Variants in JHY observed in about 807,000 individuals in gnomAD.
The protein encoded by JHY is jhy protein homolog.
JHY carries 69 observed loss-of-function variants against 78.0 expected under a neutral mutation model. That is an observed-to-expected ratio of 0.88 (90% CI 0.73 to 1.08). The LOEUF (loss-of-function observed/expected upper bound fraction) is 1.08, where lower values mean the gene tolerates loss of function less well. Ranked by LOEUF, JHY falls within the 50% of genes least tolerant of loss-of-function variation. The pLI is 0.00. For synonymous variants in JHY, 368 were observed against 342.6 expected (o/e 1.07, Z -0.82); for missense variants, 944 against 927.8 (o/e 1.02, Z -0.23).
At chr11:122,939,277 C>T (rs1213706472) in intron 5 of JHY, among the ~76,000 whole-genome samples, 3 of 151,990 alleles carry the variant, frequency 2.0e-5, no homozygotes, top group Admixed American at 6.6e-5. Context: ...TGAGCCACCG[C>T]ACCCAACCCT....
intron 4 of JHY, among the ~76,000 whole-genome samples, chr11:122,926,380 C>T (rs552811215): frequency 5.9e-5 from 9 of 152,150 alleles, no homozygotes; most frequent in African/African-American, 2.2e-4. Flanking sequence ...AAACTATATA[C>T]AGTGATAAAC....
At chr11:122,912,877 G>C (rs1205303951) in intron 3 of JHY, among the ~76,000 whole-genome samples, 1 of 152,044 alleles carries the variant, frequency 6.6e-6, no homozygotes, top group Non-Finnish European at 1.5e-5. Flanking sequence ...AGGGCTATTT[G>C]AAGAATTTAT....
chr11:122,942,816 T>A (rs1332334918), intron 5 of JHY, among the ~76,000 whole-genome samples: 1 of 152,216 alleles, frequency 6.6e-6, no homozygotes, highest in Non-Finnish European at 1.5e-5. Context: ...TCTAAGTATG[T>A]TTTAGTTGCT....
intron 6 of JHY, among the ~76,000 whole-genome samples, chr11:122,948,410 T>C (rs1864009900): frequency 6.6e-6 from 1 of 150,730 alleles, no homozygotes; most frequent in African/African-American, 2.4e-5. Flanking sequence ...ACCATTTCAC[T>C]ACAGCCTGGG....
At position 122,901,689 on chromosome 11, in the gene JHY, C is replaced by T. The variant is rs185061854; in HGVS notation, c.345-2236C>T. ...GAGATCGAGACCATCCTGGCTAACACGGTGAAACCCTGTCTCTACTAAAAA... is the reference window on the plus strand; with the variant it reads ...GAGATCGAGACCATCCTGGCTAACATGGTGAAACCCTGTCTCTACTAAAAA... On this transcript the variant is annotated intron_variant, in intron 2 of 8. Coordinates refer to ENST00000227349, the MANE Select transcript of JHY (RefSeq NM_024806.4). Among the ~76,000 whole-genome samples, 1,147 of 151,518 alleles carry T rather than the reference C, an allele frequency of 7.6e-3. 16 individuals are homozygous for T. The highest frequency in any genetic ancestry group is 0.026 in the African/African-American group (1,070 of 41,332).
At chr11:122,926,539 C>T (rs1199705866) in intron 4 of JHY, among the ~76,000 whole-genome samples, 1 of 152,168 alleles carries the variant, frequency 6.6e-6, no homozygotes, top group East Asian at 1.9e-4. Context: ...CCCAGAGCTT[C>T]CTGAAAGTTG....
intron 2 of JHY, among the ~76,000 whole-genome samples, chr11:122,890,598 G>A (rs774593235): frequency 6.6e-6 from 1 of 152,126 alleles, no homozygotes; most frequent in Middle Eastern, 3.4e-3. Context: ...CCAGTTGTTG[G>A]GTTTTTTTCT....
intron 3 of JHY, among the ~76,000 whole-genome samples, chr11:122,908,847 C>T (rs572856900): frequency 1.8e-4 from 27 of 152,162 alleles, no homozygotes; most frequent in African/African-American, 6.3e-4. Context: ...TACAGGCACC[C>T]GCCACCACAC....
In JHY at chr11:122,959,554, A is replaced by C. The variant is rs932494139; in HGVS notation, c.*109A>C. 9.6e-7 allele frequency: 1 copy of C among 1,040,746 alleles called. No individual in the cohort carries two copies. Among genetic ancestry groups the C allele is most frequent in the Non-Finnish European group, 1.4e-6 (1 of 719,210 alleles). The allele number at this position is 1,040,746 out of a possible 1,614,324, so 64.5% of individuals were successfully genotyped here. ...GAGTAATGGCCTATTATTATCATCTATCTGCCGTCCATGTTTGCTTTCTGC... is the reference window on the plus strand; with the variant it reads ...GAGTAATGGCCTATTATTATCATCTCTCTGCCGTCCATGTTTGCTTTCTGC... On this transcript the variant is annotated 3_prime_UTR_variant, in exon 9 of 9. Coordinates refer to ENST00000227349, the MANE Select transcript of JHY (RefSeq NM_024806.4).
chr11:122,946,474 T>G (rs1295784258), intron 5 of JHY, 24 bp from the exon 6 acceptor site: 3 of 1,549,132 alleles, frequency 1.9e-6, no homozygotes, highest in Non-Finnish European at 2.6e-6. Context: ...TTAATAGATT[T>G]GTGCCTTTTT....
intron 2 of JHY, among the ~76,000 whole-genome samples, chr11:122,892,007 A>G (rs1862625241): frequency 1.3e-5 from 2 of 152,224 alleles, no homozygotes; most frequent in South Asian, 4.2e-4. Context: ...GGAAAGTAAT[A>G]AACATTTTTA....
At position 122,957,404 on chromosome 11, in the gene JHY, C is replaced by T. The variant is rs745822540; in HGVS notation, c.2052C>T (p.Val684=). The T allele has an allele frequency of 2.6e-6, 4 of 1,533,038 alleles. No homozygotes were observed. In the South Asian group the frequency reaches 5.2e-5, roughly 20 times the overall value. 95.0% of individuals were successfully genotyped at this position (1,533,038 alleles called of 1,614,324 possible). Residue 684 remains valine, a synonymous_variant, in exon 8 of 9, where the codon GTC becomes GTT. Coordinates refer to ENST00000227349, the MANE Select transcript of JHY (RefSeq NM_024806.4). The part of the protein sequence containing the change: ...LIQQKEYAKQ[V]KEYNMKTLSI... ...AGCAAAAGGAATATGCAAAACAAGT[C>T]AAGGAGTACAACATGAAGACACTAT... is the stretch of plus-strand genomic sequence containing the variant.
chr11:122,930,011 G>A (rs879745944), intron 4 of JHY, among the ~76,000 whole-genome samples: 1 of 152,132 alleles, frequency 6.6e-6, no homozygotes, highest in Non-Finnish European at 1.5e-5. Flanking sequence ...CATGAGAGAT[G>A]GGGAGCAGAG....
chr11:122,925,130 C>A, intron 4 of JHY, 120 bp downstream of exon 4: 1 of 776,168 alleles, frequency 1.3e-6, no homozygotes, highest in Non-Finnish European at 2.1e-6. Flanking sequence ...TAATTACCCA[C>A]TTTCCTATGG....
Position 122,900,281 on chromosome 11 carries a change from C to A in JHY, c.345-3644C>A, listed in dbSNP as rs184020864. On this transcript the variant is annotated intron_variant, in intron 2 of 8. Coordinates refer to ENST00000227349, the MANE Select transcript of JHY (RefSeq NM_024806.4). ...GTTGCTTTACATCAAATCAAAGAAACCTGGGTCCACATTAAGAAAAGTAAA... is the reference window on the plus strand; with the variant it reads ...GTTGCTTTACATCAAATCAAAGAAAACTGGGTCCACATTAAGAAAAGTAAA... Among the ~76,000 whole-genome samples the A allele has an allele frequency of 1.6e-3, 236 of 152,224 alleles. 4 individuals carry two copies. Among genetic ancestry groups the A allele is most frequent in the Admixed American group, 0.015 (236 of 15,274 alleles).
At chr11:122,892,261 CTAGT>C (rs1302942720) in intron 2 of JHY, among the ~76,000 whole-genome samples, 2 of 150,888 alleles carry the variant, frequency 1.3e-5, no homozygotes, top group Admixed American at 6.6e-5. Context: ...TGAGGAATTA[CTAGT>C]TAAATTGAGT....
chr11:122,931,639 TACA>T (rs1415694223), intron 4 of JHY, among the ~76,000 whole-genome samples: 1 of 152,214 alleles, frequency 6.6e-6, no homozygotes, highest in African/African-American at 2.4e-5. Context: ...GTCTTCACTT[TACA>T]GCTGATCTCA....
chr11:122,939,623 G>A (rs996663306), intron 5 of JHY, among the ~76,000 whole-genome samples: 1 of 152,026 alleles, frequency 6.6e-6, no homozygotes, highest in African/African-American at 2.4e-5. Context: ...ATTCTGCCAC[G>A]TTTTTTCTAC....
chr11:122,914,601 C>T (rs754063245), intron 3 of JHY, among the ~76,000 whole-genome samples: 2 of 151,982 alleles, frequency 1.3e-5, no homozygotes, highest in Non-Finnish European at 1.5e-5. Flanking sequence ...TCTACCACCA[C>T]GCCCGGCTAA....
Sources: gnomAD v4.1 joint callset for allele counts (sites outside exome capture counted in the v4.1 genomes callset) on GRCh38, gnomAD v4.1.1 for gene constraint, MANE v1.5 for transcripts, NCBI Gene and HGNC (gene_info 2026-07-23, HGNC 2026-07-21) for gene names.